Variants in GPAM observed in about 807,000 individuals in gnomAD.
GPAM encodes glycerol-3-phosphate acyltransferase, mitochondrial.
GPAM carries 56 observed loss-of-function variants against 105.0 expected under a neutral mutation model. The ratio of observed to expected loss-of-function variants is 0.53; its 90% CI spans 0.43 to 0.67. The LOEUF is 0.67. Ranked by LOEUF, GPAM falls within the 30% of genes least tolerant of loss-of-function variation. The probability of loss-of-function intolerance (pLI) is 0.00; values close to 1 mark genes in which losing one functional copy is unlikely to be tolerated. For synonymous variants in GPAM, 368 were observed against 354.4 expected (o/e 1.04, Z -0.43); for missense variants, 855 against 989.8 (o/e 0.86, Z 1.83).
At chr10:112,222,577 C>T in the GPAM span, among the ~76,000 whole-genome samples, 4 of 152,180 alleles carry the variant, frequency 2.6e-5, no homozygotes, top group Non-Finnish European at 5.9e-5. Flanking sequence ...TGCACACATA[C>T]CTGTCTTCAT....
chr10:112,187,269 A>G (rs901078917), upstream of GPAM, among the ~76,000 whole-genome samples: 1 of 152,198 alleles, frequency 6.6e-6, no homozygotes, highest in Non-Finnish European at 1.5e-5. Context: ...ATTAAAAGGC[A>G]GATATTGTCA....
upstream of GPAM, among the ~76,000 whole-genome samples, chr10:112,184,299 A>G (rs114667356): frequency 4.7e-3 from 709 of 152,332 alleles, 6 homozygotes; most frequent in African/African-American, 0.016. Flanking sequence ...CCTTCGGACT[A>G]TATGTTACAC....
In GPAM at chr10:112,168,368, G is replaced by GTAT. The variant is rs1166686588; in HGVS notation, c.1048_1050dup (p.Ile350dup). 7.5e-6 allele frequency: 12 copies of GTAT among 1,610,098 alleles called. No homozygotes were observed. Among genetic ancestry groups the GTAT allele is most frequent in the Non-Finnish European group, 1.0e-5 (12 of 1,176,464 alleles). ...ATGCGATCATAGGAGATTCCAACAG[G>GTAT]TATTATCAAGATGTCTGGGATGACA... On this transcript the variant is annotated inframe_insertion, in exon 11 of 22. Transcript: ENST00000348367.
At chr10:112,182,208 T>C (rs1327242642) in intron 2 of GPAM, among the ~76,000 whole-genome samples, 1 of 152,152 alleles carries the variant, frequency 6.6e-6, no homozygotes, top group Non-Finnish European at 1.5e-5. Flanking sequence ...CAAATGAAAA[T>C]AAGAGCTTAT....
intron 17 of GPAM, 58 bp from the exon 18 acceptor site, chr10:112,158,451 C>T (rs1044633758): frequency 6.4e-5 from 69 of 1,081,844 alleles, no homozygotes; most frequent in Middle Eastern, 2.0e-4. Context: ...TTTTTTTAAA[C>T]GCAGAAAACA....
In GPAM at chr10:112,164,600, T is replaced by C. The variant is rs1420442147; in HGVS notation, c.1232A>G (p.Glu411Gly). 1 of 1,588,598 alleles carries C rather than the reference T, an allele frequency of 6.3e-7. No homozygotes were observed. Among genetic ancestry groups the C allele is most frequent in the Non-Finnish European group, 8.6e-7 (1 of 1,157,020 alleles). Residue 411 changes from glutamate (E) to glycine (G), a missense_variant, in exon 13 of 22, where the codon GAA becomes GGA. By Grantham distance (98) the Glu-to-Gly change is moderately conservative (BLOSUM62 -2). Transcript: ENST00000348367. ...AGACACCGGTTTCTGACTTTGGCTT[T>C]CTAAATATTCCTGGAGAAAAAAACA... The part of the protein sequence containing the change: ...AQPFSLKEYL[E>G]SQSQKPVSAL...
intron 4 of GPAM, 58 bp downstream of exon 4, chr10:112,180,415 A>G (rs1847486570): frequency 1.3e-6 from 2 of 1,573,094 alleles, no homozygotes; most frequent in African/African-American, 1.3e-5. Flanking sequence ...GCCTACTACA[A>G]AGTTGGAAAT....
upstream of GPAM, among the ~76,000 whole-genome samples, chr10:112,186,917 CAT>C (rs1178588653): frequency 6.6e-6 from 1 of 152,102 alleles, no homozygotes; most frequent in African/African-American, 2.4e-5. Context: ...GGGTTTATAA[CAT>C]GTACAAATAA....
chr10:112,221,993 T>C, the GPAM span, among the ~76,000 whole-genome samples: 7 of 152,256 alleles, frequency 4.6e-5, no homozygotes, highest in African/African-American at 1.7e-4. Context: ...CCTTCAGAGA[T>C]ACCTACCAAA....
Position 112,170,545 on chromosome 10 carries a change from T to A in GPAM, c.795-1593A>T, listed in dbSNP as rs567764413. Among the ~76,000 whole-genome samples the A allele has an allele frequency of 4.9e-4, 75 of 152,278 alleles. 1 individual carries two copies. The highest frequency in any genetic ancestry group is 1.7e-3 in the African/African-American group (70 of 41,550). ...TGAAGGAAATGGGTATAGGAAATATTCTAATTACAAGAGAAGCAAGGCTTC... is the reference window on the plus strand; with the variant it reads ...TGAAGGAAATGGGTATAGGAAATATACTAATTACAAGAGAAGCAAGGCTTC... On this transcript the variant is annotated intron_variant, in intron 9 of 21. Transcript: ENST00000348367.
chr10:112,154,541 A>T (rs1846979968), intron 21 of GPAM, 88 bp downstream of exon 21: 3 of 977,904 alleles, frequency 3.1e-6, no homozygotes, highest in Admixed American at 1.7e-5. Flanking sequence ...CTCGGGGTCC[A>T]CCCCACCACA....
At chr10:112,164,687 G>T in intron 12 of GPAM, 77 bp from the exon 13 acceptor site, 1 of 817,220 alleles carries the variant, frequency 1.2e-6, no homozygotes, top group Non-Finnish European at 2.2e-6. Context: ...ATCTTCCAAA[G>T]GTTAAAAGGG....
chr10:112,219,628 T>C (rs541606652), upstream of GPAM, among the ~76,000 whole-genome samples: 7 of 152,368 alleles, frequency 4.6e-5, no homozygotes, highest in East Asian at 3.9e-4. Context: ...TCTTTCTGTC[T>C]TTTGCAAGCT....
intron 6 of GPAM, 104 bp downstream of exon 6, chr10:112,175,496 A>C: frequency 1.3e-6 from 1 of 760,528 alleles, no homozygotes; most frequent in Non-Finnish European, 2.4e-6. Flanking sequence ...ACTTCTTGAG[A>C]CACAGTCCCA....
chr10:112,180,363 C>T, intron 4 of GPAM, 110 bp downstream of exon 4: 2 of 1,006,010 alleles, frequency 2.0e-6, no homozygotes, highest in South Asian at 1.3e-5. Context: ...GGTTCATAAA[C>T]ATGGGTCTCT....
Position 112,168,477 on chromosome 10 carries a change from C to A in GPAM, c.942G>T (p.Leu314=). 1 of 1,612,878 alleles carries A rather than the reference C, an allele frequency of 6.2e-7. No individual in the cohort carries two copies. Among genetic ancestry groups the A allele is most frequent in the East Asian group, 2.2e-5 (1 of 44,858 alleles). ...LRQQQFLEIF[L]EGTRSRSGKT... ...TTCCACTCCTAGAACGTGTGCCTTCCAGGAAGATCTCCAAGAATTGCTGCT... is the reference window on the plus strand; with the variant it reads ...TTCCACTCCTAGAACGTGTGCCTTCAAGGAAGATCTCCAAGAATTGCTGCT... Residue 314 remains leucine (L), a synonymous_variant, in exon 11 of 22, where the codon CTG becomes CTT. Transcript: ENST00000348367.
chr10:112,193,455 G>A (rs2133285148), intron 1 of GPAM, among the ~76,000 whole-genome samples: 1 of 152,330 alleles, frequency 6.6e-6, no homozygotes, highest in South Asian at 2.1e-4. Context: ...ATTGTCCTAA[G>A]ATCTAGAGTA....
intron 5 of GPAM, among the ~76,000 whole-genome samples, chr10:112,176,670 T>C (rs1054649923): frequency 2.6e-5 from 4 of 152,144 alleles, no homozygotes; most frequent in South Asian, 2.1e-4. Context: ...TCAGTCAACA[T>C]TTTCAGAAAT....
At chr10:112,222,840 AC>A in the GPAM span, among the ~76,000 whole-genome samples, 4 of 151,974 alleles carry the variant, frequency 2.6e-5, no homozygotes, top group African/African-American at 9.7e-5. Context: ...CACACCATTT[AC>A]CCATGGCGTG....
Sources: allele counts gnomAD v4.1 joint callset (sites outside exome capture counted in the v4.1 genomes callset), GRCh38; gene constraint gnomAD v4.1.1; transcripts MANE v1.5; gene names NCBI Gene and HGNC (gene_info 2026-07-23, HGNC 2026-07-21).